Variants in CPE observed in about 807,000 individuals in gnomAD.
CPE encodes carboxypeptidase E.
Under a neutral mutation model 53.5 loss-of-function variants are expected in CPE, and 17 were observed. The ratio of observed to expected loss-of-function variants is 0.32; its 90% CI spans 0.22 to 0.48. The LOEUF (loss-of-function observed/expected upper bound fraction) is 0.48. Ranked by LOEUF, CPE falls within the 20% of genes least tolerant of loss-of-function variation. CPE has a pLI of 0.99. For missense variants in CPE, 524 were observed against 614.7 expected (o/e 0.85, Z 1.56); for synonymous variants, 226 against 228.8 (o/e 0.99, Z 0.11).
chr4:165,413,443 A>G (rs1050140149), intron 1 of CPE, among the ~76,000 whole-genome samples: 2 of 152,196 alleles, frequency 1.3e-5, no homozygotes, highest in African/African-American at 4.8e-5. Flanking sequence ...GCATGTTTTG[A>G]ACACCAGCTT....
At chr4:165,417,758 T>G (rs1731148565) in intron 1 of CPE, among the ~76,000 whole-genome samples, 1 of 150,214 alleles carries the variant, frequency 6.7e-6, no homozygotes, top group South Asian at 2.1e-4. Flanking sequence ...TATTACAACT[T>G]TAATATTTTG....
chr4:165,385,062 T>C (rs1206770558), intron 1 of CPE, among the ~76,000 whole-genome samples: 1 of 152,198 alleles, frequency 6.6e-6, no homozygotes, highest in African/African-American at 2.4e-5. Context: ...AATAGCTTCA[T>C]GCTTTTTACT....
intron 1 of CPE, among the ~76,000 whole-genome samples, chr4:165,387,393 G>A (rs1730611015): frequency 6.6e-6 from 1 of 152,130 alleles, no homozygotes; most frequent in Non-Finnish European, 1.5e-5. Context: ...AAACATCATA[G>A]TTCTATAATA....
chr4:165,380,976 CA>C (rs879663284), intron 1 of CPE, among the ~76,000 whole-genome samples: 5 of 152,102 alleles, frequency 3.3e-5, no homozygotes, highest in Admixed American at 3.3e-4. Flanking sequence ...ATCCAATAAC[CA>C]AAGCCAAGAT....
intron 1 of CPE, among the ~76,000 whole-genome samples, chr4:165,419,719 A>G (rs1301541374): frequency 1.3e-5 from 2 of 152,110 alleles, no homozygotes; most frequent in Non-Finnish European, 2.9e-5. Flanking sequence ...TGTCCTTTGC[A>G]CTTGTCCAAG....
At chr4:165,434,578 C>A (rs532397400) in intron 1 of CPE, among the ~76,000 whole-genome samples, 1 of 152,108 alleles carries the variant, frequency 6.6e-6, no homozygotes, top group East Asian at 1.9e-4. Flanking sequence ...ACTTTCAGCA[C>A]CTAAAGAACT....
At chr4:165,435,372 C>T (rs1225830361) in intron 1 of CPE, among the ~76,000 whole-genome samples, 4 of 152,050 alleles carry the variant, frequency 2.6e-5, no homozygotes, top group Non-Finnish European at 4.4e-5. Context: ...GAAAAGAATT[C>T]AGAGAAGCAA....
chr4:165,403,122 C>T (rs1280362560), intron 1 of CPE, among the ~76,000 whole-genome samples: 3 of 152,048 alleles, frequency 2.0e-5, no homozygotes, highest in Non-Finnish European at 2.9e-5. Flanking sequence ...TAGAAATTAA[C>T]GGTGATTATG....
chr4:165,469,516 T>C (rs1732166838), intron 3 of CPE, among the ~76,000 whole-genome samples: 1 of 152,178 alleles, frequency 6.6e-6, no homozygotes, highest in African/African-American at 2.4e-5. Flanking sequence ...TTTTATGTCT[T>C]CAGATGAGTT....
intron 1 of CPE, among the ~76,000 whole-genome samples, chr4:165,408,535 G>A (rs112926948): frequency 2.6e-5 from 4 of 152,314 alleles, no homozygotes; most frequent in Non-Finnish European, 4.4e-5. Context: ...AAAGGGCACC[G>A]TAGGAATTTA....
chr4:165,443,650 G>T (rs1202403122), intron 1 of CPE, among the ~76,000 whole-genome samples: 1 of 152,164 alleles, frequency 6.6e-6, no homozygotes, highest in African/African-American at 2.4e-5. Context: ...CACCAGTCAG[G>T]TTGGATTAGG....
intron 2 of CPE, among the ~76,000 whole-genome samples, chr4:165,465,982 A>G (rs1306647010): frequency 6.6e-6 from 1 of 152,226 alleles, no homozygotes; most frequent in African/African-American, 2.4e-5. Context: ...TCTTTATATT[A>G]TTAACATTTA....
chr4:165,386,360 G>GTATTA, intron 1 of CPE: 1 of 442,002 alleles, frequency 2.3e-6, no homozygotes, highest in South Asian at 1.7e-5. Flanking sequence ...TGAATGTCTA[G>GTATTA]TATTATGCTT....
At chr4:165,472,443 C>T (rs760262109) in intron 3 of CPE, among the ~76,000 whole-genome samples, 1 of 152,144 alleles carries the variant, frequency 6.6e-6, no homozygotes, top group Non-Finnish European at 1.5e-5. Flanking sequence ...TTCTGTGGCA[C>T]ACAATTATGT....
In CPE at chr4:165,484,544, G is replaced by A. The variant is rs774780895; in HGVS notation, c.913G>A (p.Asp305Asn). The A allele has an allele frequency of 6.2e-7, 1 of 1,614,144 alleles. No homozygotes were observed. The highest frequency in any genetic ancestry group is 8.5e-7 in the Non-Finnish European group (1 of 1,180,004). Residue 305 changes from aspartate to asparagine, a missense_variant, in exon 5 of 9, where the codon GAT (aspartate) becomes AAT (asparagine). Asp to Asn is a conservative substitution (Grantham distance 23). Coordinates refer to ENST00000402744, the MANE Select transcript of CPE (RefSeq NM_001873.4). ...PNRPPCRKND[D>N]DSSFVDGTTN... Reference sequence around the variant, plus strand: ...TCGGCCACCATGTCGCAAGAATGATGATGACAGCAGCTTTGTAGATGGAAC... The same window carrying A: ...TCGGCCACCATGTCGCAAGAATGATAATGACAGCAGCTTTGTAGATGGAAC...
At chr4:165,409,238 G>T (rs1480454099) in intron 1 of CPE, among the ~76,000 whole-genome samples, 1 of 152,116 alleles carries the variant, frequency 6.6e-6, no homozygotes, top group Non-Finnish European at 1.5e-5. Context: ...CAGTCTCCCT[G>T]TGTTGCCCAG....
chr4:165,496,970 T>C (rs1310956528), intron 8 of CPE, among the ~76,000 whole-genome samples: 1 of 152,174 alleles, frequency 6.6e-6, no homozygotes, highest in Admixed American at 6.5e-5. Flanking sequence ...TCGCCCAGGC[T>C]GGAGTGCAGT....
chr4:165,398,065 A>AG (rs1396258696), intron 1 of CPE, among the ~76,000 whole-genome samples: 2 of 151,294 alleles, frequency 1.3e-5, no homozygotes, highest in East Asian at 3.9e-4. Flanking sequence ...AAAAAAAAAA[A>AG]AAAAAACAAA....
chr4:165,408,720 C>T (rs902466933), intron 1 of CPE, among the ~76,000 whole-genome samples: 2 of 152,196 alleles, frequency 1.3e-5, no homozygotes, highest in Non-Finnish European at 2.9e-5. Context: ...TTTTGCTTTT[C>T]TGTCAAGTTC....
Sources: allele counts gnomAD v4.1 joint callset (sites outside exome capture counted in the v4.1 genomes callset), GRCh38; gene constraint gnomAD v4.1.1; transcripts MANE v1.5; gene names NCBI Gene and HGNC (gene_info 2026-07-23, HGNC 2026-07-21).